NASP: variants seen among roughly 807,000 people sequenced by gnomAD.
NASP encodes NASP histone chaperone.
Under a neutral mutation model 89.5 loss-of-function variants are expected in NASP, and 24 were observed. The observed-to-expected ratio is 0.27, with a 90% CI of 0.19 to 0.38. NASP has a LOEUF of 0.38. NASP is among the 10% of genes least tolerant of loss of function. The pLI, the probability that NASP is intolerant of heterozygous loss-of-function variation, is 1.00. For synonymous variants in NASP, 306 were observed against 324.7 expected (o/e 0.94, Z 0.62); for missense variants, 848 against 921.4 (o/e 0.92, Z 1.03).
At chr1:45,615,727 G>A in intron 11 of NASP, 2 of 414,532 alleles carry the variant, frequency 4.8e-6, no homozygotes, top group East Asian at 4.4e-5. Context: ...GGATAATACA[G>A]GTTGAGTATC....
chr1:45,591,381 G>GCCTT (rs1643544135), intron 2 of NASP, 111 bp downstream of exon 2: 1 of 754,784 alleles, frequency 1.3e-6, no homozygotes, highest in South Asian at 1.9e-5. Flanking sequence ...TAGAGGCAAG[G>GCCTT]TGTCGCTTTG....
At chr1:45,601,745 ATTT>A (rs71056316) in intron 2 of NASP, among the ~76,000 whole-genome samples, 3 of 68,934 alleles carry the variant, frequency 4.4e-5, no homozygotes, top group South Asian at 7.8e-4. Context: ...CGTTAAGAGA[ATTT>A]TTTTTTTTTT....
chr1:45,584,429 C>T (rs916304121), intron 1 of NASP, among the ~76,000 whole-genome samples: 1 of 152,204 alleles, frequency 6.6e-6, no homozygotes. Context: ...CCCCGCTTTT[C>T]GCGGCCGCCA....
chr1:45,588,657 C>T (rs991336226), intron 1 of NASP: 11 of 450,328 alleles, frequency 2.4e-5, no homozygotes, highest in African/African-American at 6.1e-5. Flanking sequence ...TAAGAATGAG[C>T]GGCCGGGCGC....
At chr1:45,603,599 T>G (rs1340008339) in intron 3 of NASP, among the ~76,000 whole-genome samples, 1 of 138,396 alleles carries the variant, frequency 7.2e-6, no homozygotes, top group African/African-American at 2.7e-5. Flanking sequence ...CTGGTAGTAT[T>G]TAGAGATTTT....
chr1:45,584,123 C>G lies in NASP; in HGVS notation c.-24C>G. The G allele has an allele frequency of 1.4e-5, 22 of 1,577,690 alleles. No individual in the cohort carries two copies. The highest frequency in any genetic ancestry group is 1.9e-5 in the Non-Finnish European group (22 of 1,161,014). On this transcript the variant is annotated 5_prime_UTR_variant, in exon 1 of 15. Coordinates refer to ENST00000350030, the MANE Select transcript of NASP (RefSeq NM_002482.4). The stretch of plus-strand genomic sequence containing the variant: ...TTTCTCGCAGGCTCTATTCCGTTCG[C>G]TGGTTCGCCACCTCAGGGGAACGAT...
At chr1:45,586,284 GGTGTGTGTGTGTGTGT>G (rs202167906) in intron 1 of NASP, among the ~76,000 whole-genome samples, 3 of 100,532 alleles carry the variant, frequency 3.0e-5, no homozygotes, top group South Asian at 6.5e-4. Context: ...GTGTGTGTGT[GGTGTGTGTGTGTGTGT>G]GTGTGTGTGG....
chr1:45,618,315 T>C lies in NASP; in HGVS notation c.*174T>C. ...CTGCCTTGGAGCACTGCTGGTTTTATATATTAGCCAAAGGTTTTGTTCTGG... is the reference window on the plus strand; with the variant it reads ...CTGCCTTGGAGCACTGCTGGTTTTACATATTAGCCAAAGGTTTTGTTCTGG... On this transcript the variant is annotated 3_prime_UTR_variant, in exon 15 of 15. Transcript: ENST00000350030. 1.8e-6 allele frequency: 1 copy of C among 555,280 alleles called. No individual in the cohort carries two copies. The highest frequency in any genetic ancestry group is 2.1e-5 in the South Asian group (1 of 48,634). 34.4% of individuals were successfully genotyped at this position (555,280 alleles called of 1,614,324 possible).
rs1202771599 is a variant in NASP, at chr1:45,586,284, G to GTGT, written c.59+2079_59+2080insTGT. Among the ~76,000 whole-genome samples, 81 of 100,524 alleles carry GTGT rather than the reference G, an allele frequency of 8.1e-4. 3 individuals carry two copies. Among genetic ancestry groups the GTGT allele is most frequent in the African/African-American group, 2.7e-3 (60 of 22,496 alleles). The allele number at this position is 100,524 out of a possible 152,430, so 65.9% of individuals were successfully genotyped here. On this transcript the variant is annotated intron_variant, in intron 1 of 14. Coordinates refer to ENST00000350030, the MANE Select transcript of NASP (RefSeq NM_002482.4). The stretch of plus-strand genomic sequence containing the variant: ...TGTGTGTGTGTGTGTGTGTGTGTGT[G>GTGT]GTGTGTGTGTGTGTGTGTGTGTGTG...
At chr1:45,602,764 G>A (rs1365352108) in intron 3 of NASP, among the ~76,000 whole-genome samples, 2 of 152,110 alleles carry the variant, frequency 1.3e-5, no homozygotes, top group East Asian at 1.9e-4. Context: ...GGGACCATAG[G>A]TGTGTGCCAC....
intron 2 of NASP, among the ~76,000 whole-genome samples, chr1:45,595,380 T>C (rs1280307018): frequency 6.6e-6 from 1 of 152,154 alleles, no homozygotes; most frequent in Non-Finnish European, 1.5e-5. Context: ...ACCTGATGAT[T>C]TTCCTTTGTT....
At position 45,607,493 on chromosome 1, in the gene NASP, G is replaced by A. The variant is rs768147787; in HGVS notation, c.582G>A (p.Glu194=). 4 of 1,613,932 alleles carry A rather than the reference G, an allele frequency of 2.5e-6. No individual in the cohort carries two copies. Among genetic ancestry groups the A allele is most frequent in the Non-Finnish European group, 2.5e-6 (3 of 1,179,966 alleles). ...TGGATATAAGTAAATCTGCAGAGGA[G>A]CCACAGGAAAAAGTTGACTTGACTC... is the stretch of plus-strand genomic sequence containing the variant. ...EDMDISKSAE[E]PQEKVDLTLD... The change falls in exon 6 of 15, where the codon GAG becomes GAA. Residue 194 remains glutamate, a synonymous_variant. Transcript: ENST00000350030.
intron 9 of NASP, among the ~76,000 whole-genome samples, chr1:45,614,797 A>G (rs954283711): frequency 1.8e-4 from 28 of 152,000 alleles, no homozygotes; most frequent in African/African-American, 5.1e-4. Context: ...TCAGCCTCCC[A>G]AAGTGCTGGG....
In NASP at chr1:45,618,389, G is replaced by A. The variant is rs945178; in HGVS notation, c.*248G>A. 20 of 348,132 alleles carry A rather than the reference G, an allele frequency of 5.7e-5. No homozygotes were observed. Among genetic ancestry groups the A allele is most frequent in the Non-Finnish European group, 7.7e-5 (14 of 182,910 alleles). The allele number at this position is 348,132 out of a possible 1,614,324, so 21.6% of individuals were successfully genotyped here. A position where few individuals can be genotyped will look rare whatever the true frequency, so the allele number is the denominator to read the frequency against. On this transcript the variant is annotated 3_prime_UTR_variant, in exon 15 of 15. Coordinates refer to ENST00000350030, the MANE Select transcript of NASP (RefSeq NM_002482.4). The stretch of plus-strand genomic sequence containing the variant: ...TGATCCTAATTCCTATCTGTCTAAC[G>A]TGGAGGTGATCAAGTGTGGCTGTAG...
intron 1 of NASP, among the ~76,000 whole-genome samples, chr1:45,584,981 C>G (rs1644509756): frequency 6.6e-6 from 1 of 152,230 alleles, no homozygotes; most frequent in African/African-American, 2.4e-5. Context: ...TTGGGGGGAA[C>G]ATTACCGGAC....
chr1:45,604,990 T>C lies in NASP; in HGVS notation c.273T>C (p.Tyr91=), dbSNP rs1221056773. The C allele has an allele frequency of 1.2e-6, 2 of 1,612,990 alleles. No homozygotes were observed. The highest frequency in any genetic ancestry group is 1.1e-5 in the South Asian group (1 of 91,056). The change falls in exon 4 of 15, where the codon TAT becomes TAC. Residue 91 remains tyrosine, a synonymous_variant. Coordinates refer to ENST00000350030, the MANE Select transcript of NASP (RefSeq NM_002482.4). ...ANECGEAFFF[Y]GKSLLELARM... ...AGTGTGGAGAAGCCTTCTTTTTCTA[T>C]GGGAAATCACTTCTGGAGTTGGCAA...
chr1:45,617,732 G>T, intron 14 of NASP, 141 bp downstream of exon 14: 2 of 1,079,202 alleles, frequency 1.9e-6, no homozygotes, highest in Non-Finnish European at 2.6e-6. Context: ...AACGGTACTT[G>T]TGCAGGAAAA....
chr1:45,618,165 A>G lies in NASP; in HGVS notation c.*24A>G, dbSNP rs755302780. Reference sequence around the variant, plus strand: ...AAGAGGGGGCACAGCCCTCCTCCCAAGGGAAAGTGTTTTTGTATATAATGT... The same window carrying G: ...AAGAGGGGGCACAGCCCTCCTCCCAGGGGAAAGTGTTTTTGTATATAATGT... On this transcript the variant is annotated 3_prime_UTR_variant, in exon 15 of 15. Transcript: ENST00000350030. 17 of 1,548,148 alleles carry G rather than the reference A, an allele frequency of 1.1e-5. No individual in the cohort carries two copies. The Admixed American group carries it at 2.3e-4, about 21-fold the overall frequency.
In NASP at chr1:45,586,279, T is replaced by TG. The variant is rs1474803915; in HGVS notation, c.59+2075dup. On this transcript the variant is annotated intron_variant, in intron 1 of 14. Transcript: ENST00000350030. ...GTGTGTGTGTGTGTGTGTGTGTGTGTGTGTGGTGTGTGTGTGTGTGTGTGT... is the reference window on the plus strand; with the variant it reads ...GTGTGTGTGTGTGTGTGTGTGTGTGTGGTGTGGTGTGTGTGTGTGTGTGTGT... 8.3e-4 allele frequency among the ~76,000 whole-genome samples: 33 copies of TG among 39,746 alleles called. No homozygotes were observed. The Middle Eastern group carries it at 0.078, about 94-fold the overall frequency. The allele number at this position is 39,746 out of a possible 152,430, so 26.1% of individuals were successfully genotyped here. A position where few individuals can be genotyped will look rare whatever the true frequency, so the allele number is the denominator to read the frequency against.
Sources: gnomAD v4.1 joint callset for allele counts (sites outside exome capture counted in the v4.1 genomes callset) on GRCh38, gnomAD v4.1.1 for gene constraint, MANE v1.5 for transcripts, NCBI Gene and HGNC (gene_info 2026-07-23, HGNC 2026-07-21) for gene names.